FOXJ3: variants seen among roughly 807,000 people sequenced by gnomAD.
FOXJ3 encodes the protein forkhead box J3.
A neutral mutation model predicts 76.1 loss-of-function variants in FOXJ3; 22 were observed. The observed-to-expected ratio is 0.29, with a 90% CI of 0.21 to 0.41. The LOEUF (loss-of-function observed/expected upper bound fraction) is 0.41. Among genes scored for constraint, FOXJ3 ranks in the 10% least tolerant of loss-of-function variants. The probability of loss-of-function intolerance (pLI) is 1.00; values close to 1 mark genes in which losing one functional copy is unlikely to be tolerated. For missense variants in FOXJ3, 613 were observed against 762.1 expected, an observed-to-expected ratio of 0.80 and a Z score of 2.30; for synonymous variants, 269 against 261.2, an observed-to-expected ratio of 1.03 and a Z score of -0.29.
At chr1:42,326,157 A>G (rs1655816042) in intron 1 of FOXJ3, among the ~76,000 whole-genome samples, 1 of 152,178 alleles carries the variant, frequency 6.6e-6, no homozygotes. Flanking sequence ...AGGCTGAGGC[A>G]GGAGAATCAC....
At chr1:42,242,878 G>C (rs1649259426) in intron 4 of FOXJ3, among the ~76,000 whole-genome samples, 1 of 152,162 alleles carries the variant, frequency 6.6e-6, no homozygotes, top group Non-Finnish European at 1.5e-5. Context: ...ATCCAAAAAG[G>C]TTTTCTTTGT....
intron 4 of FOXJ3, among the ~76,000 whole-genome samples, chr1:42,245,422 C>T (rs1022423826): frequency 2.6e-5 from 4 of 152,074 alleles, no homozygotes; most frequent in Non-Finnish European, 5.9e-5. Context: ...ATATCCTCAA[C>T]AAAATATTAG....
chr1:42,318,932 G>A (rs1172362370), intron 1 of FOXJ3, among the ~76,000 whole-genome samples: 1 of 152,022 alleles, frequency 6.6e-6, no homozygotes, highest in Admixed American at 6.6e-5. Flanking sequence ...AATCATAATA[G>A]CAAAAAAATG....
intron 11 of FOXJ3, among the ~76,000 whole-genome samples, chr1:42,183,354 AGGG>A (rs1646369165): frequency 7.1e-4 from 2 of 2,812 alleles, no homozygotes; most frequent in Non-Finnish European, 1.2e-3. Flanking sequence ...AGGGGAGGGG[AGGG>A]GAGGGGAGTA....
At chr1:42,307,776 T>C (rs1029789982) in intron 2 of FOXJ3, among the ~76,000 whole-genome samples, 5 of 152,194 alleles carry the variant, frequency 3.3e-5, no homozygotes, top group Admixed American at 2.6e-4. Flanking sequence ...AGAGGGTCTT[T>C]TTCTAATTCA....
In FOXJ3 at chr1:42,258,144, G is replaced by A. The variant is rs1408028720; in HGVS notation, c.444+6971C>T. Among the ~76,000 whole-genome samples the A allele has an allele frequency of 3.9e-5, 6 of 152,280 alleles. No homozygotes were observed. The East Asian group carries it at 1.2e-3, about 29-fold the overall frequency. On this transcript the variant is annotated intron_variant, in intron 4 of 12. Transcript: ENST00000361346. The stretch of plus-strand genomic sequence containing the variant: ...TCTCTGCTCTTCCTTAGCTTTCAAT[G>A]CATATTCATCTCAGGAGCTGGATTC...
Position 42,278,684 on chromosome 1 carries a change from T to A in FOXJ3, c.45-12A>T. 1 of 1,580,852 alleles carries A rather than the reference T, an allele frequency of 6.3e-7. No homozygotes were observed. Among genetic ancestry groups the A allele is most frequent in the Non-Finnish European group, 8.7e-7 (1 of 1,152,888 alleles). On this transcript the variant is annotated splice_polypyrimidine_tract_variant and intron_variant, in intron 2 of 12. Coordinates refer to ENST00000361346, the MANE Select transcript of FOXJ3 (RefSeq NM_014947.5). ...GTTCAGATGTCATCCTGAAGGTAAA[T>A]AGACTCCTTAGTCAATATCAAGGAA...
At chr1:42,322,872 G>C (rs372272333) in intron 1 of FOXJ3, among the ~76,000 whole-genome samples, 5 of 152,088 alleles carry the variant, frequency 3.3e-5, no homozygotes, top group African/African-American at 4.8e-5. Flanking sequence ...GAAAAGGAGG[G>C]TAACAGTACC....
chr1:42,212,957 C>CAAAAAAAA (rs1209892066), intron 5 of FOXJ3, among the ~76,000 whole-genome samples: 4 of 65,262 alleles, frequency 6.1e-5, no homozygotes, highest in African/African-American at 6.1e-5. Context: ...TTGTATCTAG[C>CAAAAAAAA]AAAAAAAAAA....
intron 4 of FOXJ3, among the ~76,000 whole-genome samples, chr1:42,245,470 C>T (rs1649478773): frequency 6.6e-6 from 1 of 152,136 alleles, no homozygotes; most frequent in Admixed American, 6.5e-5. Flanking sequence ...AGATAATACA[C>T]CATGCCCAAG....
intron 4 of FOXJ3, among the ~76,000 whole-genome samples, chr1:42,251,257 T>A (rs1208621101): frequency 6.6e-6 from 1 of 152,130 alleles, no homozygotes; most frequent in African/African-American, 2.4e-5. Context: ...ACAGCTGACT[T>A]TTCATAGAAA....
intron 5 of FOXJ3, among the ~76,000 whole-genome samples, chr1:42,213,490 C>T (rs1009499092): frequency 1.3e-5 from 2 of 148,430 alleles, no homozygotes; most frequent in African/African-American, 5.0e-5. Context: ...AAAAAAGACA[C>T]GATTATATAA....
chr1:42,254,288 T>C (rs1409814480), intron 4 of FOXJ3, among the ~76,000 whole-genome samples: 3 of 147,840 alleles, frequency 2.0e-5, no homozygotes, highest in Non-Finnish European at 3.0e-5. Flanking sequence ...CCAGTTAGAA[T>C]GGCAATCATT....
chr1:42,291,863 AT>A (rs1174689424), intron 2 of FOXJ3, among the ~76,000 whole-genome samples: 5 of 152,028 alleles, frequency 3.3e-5, no homozygotes, highest in Non-Finnish European at 4.4e-5. Context: ...GAGAAAACCC[AT>A]TTTTTTAAAG....
At chr1:42,229,473 T>C (rs1365396475) in intron 4 of FOXJ3, among the ~76,000 whole-genome samples, 8 of 152,234 alleles carry the variant, frequency 5.3e-5, no homozygotes, top group African/African-American at 1.2e-4. Flanking sequence ...GGTACTACTA[T>C]GTACATGTCA....
intron 7 of FOXJ3, among the ~76,000 whole-genome samples, chr1:42,197,350 A>AG (rs1376086301): frequency 1.3e-5 from 2 of 152,072 alleles, no homozygotes; most frequent in Non-Finnish European, 2.9e-5. Context: ...AAAAAAAGAG[A>AG]GAAAAAAAGG....
intron 2 of FOXJ3, among the ~76,000 whole-genome samples, chr1:42,288,428 G>A (rs1653201386): frequency 6.6e-6 from 1 of 152,166 alleles, no homozygotes; most frequent in Non-Finnish European, 1.5e-5. Flanking sequence ...AACATTTACT[G>A]GATATTCTTT....
intron 4 of FOXJ3, among the ~76,000 whole-genome samples, chr1:42,247,400 T>C (rs1324059066): frequency 2.0e-5 from 3 of 152,118 alleles, no homozygotes; most frequent in East Asian, 3.9e-4. Flanking sequence ...AGGATCTGTA[T>C]CTAAAATATA....
At chr1:42,187,190 TCTC>T (rs1238080475) in intron 11 of FOXJ3, among the ~76,000 whole-genome samples, 1 of 152,164 alleles carries the variant, frequency 6.6e-6, no homozygotes, top group Admixed American at 6.5e-5. Flanking sequence ...ATCTTCTACT[TCTC>T]CTGCCTACGG....
Sources: allele counts gnomAD v4.1 joint callset (sites outside exome capture counted in the v4.1 genomes callset), GRCh38; gene constraint gnomAD v4.1.1; transcripts MANE v1.5; gene names NCBI Gene and HGNC (gene_info 2026-07-23, HGNC 2026-07-21).